The following SLC6A8 variants were observed in gnomAD, a reference collection of about 807,000 sequenced individuals.
SLC6A8 encodes the protein solute carrier family 6 member 8, also known as sodium- and chloride-dependent creatine transporter 1.
SLC6A8 carries 6 observed loss-of-function variants against 48.3 expected under a neutral mutation model. The ratio of observed to expected loss-of-function variants is 0.12; its 90% confidence interval spans 0.07 to 0.25. The LOEUF is 0.25. Ranked by LOEUF, SLC6A8 falls within the 10% of genes least tolerant of loss-of-function variation. The pLI, the probability that SLC6A8 is intolerant of heterozygous loss-of-function variation, is 1.00. For missense variants in SLC6A8, 260 were observed against 551.5 expected, an observed-to-expected ratio of 0.47 and a Z score of 5.29; for synonymous variants, 245 against 244.0, an observed-to-expected ratio of 1.00 and a Z score of -0.04.
chrX:153,693,378 C>T lies in SLC6A8; in HGVS notation c.1016+12C>T, dbSNP rs182984520. The T allele has an allele frequency of 4.4e-5, 53 of 1,203,648 alleles. No individual in the cohort carries two copies. The highest frequency in any genetic ancestry group is 3.9e-4 in the Admixed American group (18 of 45,896). ...AACAACTGCTACAAGTAAGCACCGC[C>T]GCCCTGCCACCCGTGCCCTGTCCTG... On this transcript the variant is annotated intron_variant, in intron 6 of 12. Coordinates refer to ENST00000253122, the MANE Select transcript of SLC6A8 (RefSeq NM_005629.4).
chrX:153,691,701 A>T (rs1204195384), intron 3 of SLC6A8, 148 bp downstream of exon 3: 2 of 788,215 alleles, frequency 2.5e-6, no homozygotes, highest in South Asian at 2.2e-5. Context: ...GTCCTCGGAG[A>T]GTCCTGGGGC....
chrX:153,693,918 C>T lies in SLC6A8; in HGVS notation c.1155C>T (p.Ala385=), dbSNP rs782477779. The T allele has an allele frequency of 5.8e-5, 68 of 1,164,067 alleles. No homozygotes were observed. Among genetic ancestry groups the T allele is most frequent in the Non-Finnish European group, 7.3e-5 (64 of 870,772 alleles). ...SKVAESGPGL[A]FIAYPRAVTL... is the part of the protein sequence containing the mutation. The stretch of plus-strand genomic sequence containing the variant: ...CCTTTCCCACAGGGCCGGGCCTGGC[C>T]TTCATCGCCTACCCGCGGGCTGTCA... Residue 385 remains alanine (A), a synonymous_variant, in exon 8 of 13, where the codon GCC becomes GCT. Transcript: ENST00000253122.
chrX:153,690,642 G>A, intron 2 of SLC6A8, 136 bp downstream of exon 2: 11 of 722,354 alleles, frequency 1.5e-5, no homozygotes, highest in Non-Finnish European at 2.3e-5. Context: ...GAGCCTGGAG[G>A]AGATGTTCAG....
In SLC6A8 at chrX:153,694,191, T is replaced by A; in HGVS notation, c.1316T>A (p.Phe439Tyr). 1.7e-6 allele frequency: 2 copies of A among 1,210,641 alleles called. No individual in the cohort carries two copies. Among genetic ancestry groups the A allele is most frequent in the Non-Finnish European group, 2.2e-6 (2 of 894,734 alleles). ...LLDLLPASYY[F>Y]RFQREISVAL... ...GACCTCCTCCCGGCCTCCTACTACTTCCGTTTCCAAAGGGAGATCTCTGTG... is the reference window on the plus strand; with the variant it reads ...GACCTCCTCCCGGCCTCCTACTACTACCGTTTCCAAAGGGAGATCTCTGTG... Residue 439 changes from phenylalanine to tyrosine, a missense_variant, in exon 9 of 13, where the codon TTC becomes TAC. Physicochemically the swap from Phe to Tyr is conservative, Grantham distance 22. Transcript: ENST00000253122.
rs2148358593 is a variant in SLC6A8, at chrX:153,688,768, GCGTGGGCTTCGC to G, written c.204_215del (p.Phe68_Gly71del). Reference sequence around the variant, plus strand: ...CGCCAGATGGACTTCATCATGTCGTGCGTGGGCTTCGCCGTGGGCTTGGGCAACGTGTGGCGC... The same window carrying G: ...CGCCAGATGGACTTCATCATGTCGTGCGTGGGCTTGGGCAACGTGTGGCGC... On this transcript the variant is annotated inframe_deletion, in exon 1 of 13. Transcript: ENST00000253122. 1 of 1,139,016 alleles carries G rather than the reference GCGTGGGCTTCGC, an allele frequency of 8.8e-7. No individual in the cohort carries two copies. Among genetic ancestry groups the G allele is most frequent in the Non-Finnish European group, 1.2e-6 (1 of 856,782 alleles). 93.9% of individuals were successfully genotyped at this position (1,139,016 alleles called of 1,213,427 possible).
At chrX:153,688,933 G>A in intron 1 of SLC6A8, 97 bp downstream of exon 1, 1 of 446,246 alleles carries the variant, frequency 2.2e-6, no homozygotes, top group Non-Finnish European at 3.1e-6. Context: ...TCCGGGCAAC[G>A]GGTGGCCCCC....
At position 153,693,033 on chromosome X, in the gene SLC6A8, C is replaced by G. The variant is rs781860529; in HGVS notation, c.778-8C>G. 104 of 1,208,815 alleles carry G rather than the reference C, an allele frequency of 8.6e-5. No individual in the cohort carries two copies. In the Middle Eastern group the frequency reaches 1.1e-3, roughly 13 times the overall value. ...CCACAGCCTCCGCTGAGCAGCCTGG[C>G]CCCCCAGATCGTGTACTTCACTGCT... On this transcript the variant is annotated splice_region_variant and splice_polypyrimidine_tract_variant and intron_variant, in intron 4 of 12. Transcript: ENST00000253122.
chrX:153,694,155 C>G lies in SLC6A8; in HGVS notation c.1280C>G (p.Thr427Ser). ...SQFVGVEGFI[T>S]GLLDLLPASY... ...TTTGTAGGTGTGGAGGGCTTCATCA[C>G]CGGCCTCCTCGACCTCCTCCCGGCC... Residue 427 changes from threonine to serine, a missense_variant, in exon 9 of 13, where the codon ACC becomes AGC. Coordinates refer to ENST00000253122, the MANE Select transcript of SLC6A8 (RefSeq NM_005629.4). 8.3e-7 allele frequency: 1 copy of G among 1,210,669 alleles called. No homozygotes were observed. The highest frequency in any genetic ancestry group is 1.1e-6 in the Non-Finnish European group (1 of 894,643).
Position 153,689,629 on chromosome X carries a change from T to G in SLC6A8, c.263-746T>G, listed in dbSNP as rs1294701441. On this transcript the variant is annotated intron_variant, in intron 1 of 12. Coordinates refer to ENST00000253122, the MANE Select transcript of SLC6A8 (RefSeq NM_005629.4). ...GTTGCAGCCAAGCTCAGCCTCTGAG[T>G]AGTGGAGCGAGCCCAGCCAGGGCAA... is the stretch of plus-strand genomic sequence containing the variant. 4 of 626,532 alleles carry G rather than the reference T, an allele frequency of 6.4e-6. No individual in the cohort carries two copies. In the African/African-American group the frequency reaches 7.4e-5, roughly 12 times the overall value. The allele number at this position is 626,532 out of a possible 1,213,427, so 51.6% of individuals were successfully genotyped here. A position where few individuals can be genotyped will look rare whatever the true frequency, so the allele number is the denominator to read the frequency against.
In SLC6A8 at chrX:153,691,314, C is replaced by T. The variant is rs782249346; in HGVS notation, c.405C>T (p.Tyr135=). ...ACTTCCCGGCCCCAGGCCTGGGCTACGCCTCCATGGTGATCGTCTTCTACT... is the reference window on the plus strand; with the variant it reads ...ACTTCCCGGCCCCAGGCCTGGGCTATGCCTCCATGGTGATCGTCTTCTACT... ...NICPLFKGLG[Y]ASMVIVFYCN... is the part of the protein sequence containing the mutation. The change falls in exon 3 of 13, where the codon TAC becomes TAT. Residue 135 remains tyrosine, a synonymous_variant. Transcript: ENST00000253122. 1.3e-5 allele frequency: 16 copies of T among 1,199,961 alleles called. No homozygotes were observed. The South Asian group carries it at 1.4e-4, about 11-fold the overall frequency.
intron 4 of SLC6A8, 156 bp from the exon 5 acceptor site, chrX:153,692,885 G>A (rs1359131742): frequency 1.5e-5 from 11 of 728,146 alleles, no homozygotes; most frequent in Middle Eastern, 3.6e-4. Flanking sequence ...CTGCCGGGGC[G>A]CAGCCTTGCC....
chrX:153,691,848 A>G (rs2872520), intron 3 of SLC6A8, 127 bp from the exon 4 acceptor site: 12 of 807,646 alleles, frequency 1.5e-5, no homozygotes, highest in African/African-American at 4.1e-5. Flanking sequence ...GCCCAGCCCA[A>G]TTGGACAAGA....
rs1232567297 is a variant in SLC6A8 at position 153,696,065 on chromosome X, A to G, written c.*851A>G. Reference sequence around the variant, plus strand: ...CCTCTGCCCCTAGCCAAGGAGTGTGAATTTATAGATCTAACTTTCATAGGC... The same window carrying G: ...CCTCTGCCCCTAGCCAAGGAGTGTGGATTTATAGATCTAACTTTCATAGGC... On this transcript the variant is annotated 3_prime_UTR_variant, in exon 13 of 13. Coordinates refer to ENST00000253122, the MANE Select transcript of SLC6A8 (RefSeq NM_005629.4). 1.1e-5 allele frequency: 2 copies of G among 174,351 alleles called. No homozygotes were observed. The highest frequency in any genetic ancestry group is 6.1e-5 in the African/African-American group (2 of 32,630). The allele number at this position is 174,351 out of a possible 1,213,427, so 14.4% of individuals were successfully genotyped here.
chrX:153,694,960 G>A (rs2314072), intron 12 of SLC6A8, 71 bp downstream of exon 12: 5 of 983,271 alleles, frequency 5.1e-6, no homozygotes, highest in Non-Finnish European at 6.6e-6. Flanking sequence ...TTCCTAGCCA[G>A]GGAGTGGCCC....
rs782338053 is a variant in SLC6A8, at chrX:153,691,595, G to C, written c.644+42G>C. On this transcript the variant is annotated intron_variant, in intron 3 of 12. Transcript: ENST00000253122. ...TGGGCCAAGCCCATCCCATCCCCCA[G>C]GTCTCCCTCATGTTGCCCGGCTCCA... 37 of 1,205,664 alleles carry C rather than the reference G, an allele frequency of 3.1e-5. No homozygotes were observed. The South Asian group carries it at 6.5e-4, about 21-fold the overall frequency.
At position 153,690,385 on chromosome X, in the gene SLC6A8, T is replaced by G; in HGVS notation, c.273T>G (p.Leu91=). The change falls in exon 2 of 13, where the codon CTT becomes CTG. Residue 91 remains leucine, a synonymous_variant. Transcript: ENST00000253122. ...LCYKNGGGVF[L]IPYVLIALVG... ...TGCCTCCACCCCCAGGTGTGTTCCT[T>G]ATTCCCTACGTCCTGATCGCCCTGG... is the stretch of plus-strand genomic sequence containing the variant. 8.3e-7 allele frequency: 1 copy of G among 1,199,238 alleles called. No homozygotes were observed. The highest frequency in any genetic ancestry group is 1.1e-6 in the Non-Finnish European group (1 of 888,651).
rs782113493 is a variant in SLC6A8, at chrX:153,694,279, G to T, written c.1392+12G>T. On this transcript the variant is annotated intron_variant, in intron 9 of 12. Coordinates refer to ENST00000253122, the MANE Select transcript of SLC6A8 (RefSeq NM_005629.4). ...CCATGGTGACTGATGTGAGTGGGGT[G>T]GGGGGTCTGCCTGTGACCTCTGGTG... is the stretch of plus-strand genomic sequence containing the variant. 169 of 1,210,535 alleles carry T rather than the reference G, an allele frequency of 1.4e-4. No homozygotes were observed. Among genetic ancestry groups the T allele is most frequent in the Non-Finnish European group, 1.9e-4 (167 of 894,266 alleles).
At chrX:153,689,923 G>A (rs1342184607) in intron 1 of SLC6A8, among the ~76,000 whole-genome samples, 3 of 112,615 alleles carry the variant, frequency 2.7e-5, no homozygotes, top group African/African-American at 9.7e-5. Flanking sequence ...GCAGGCAAGC[G>A]TCCAAGGGCA....
chrX:153,695,413 C>A lies in SLC6A8; in HGVS notation c.*199C>A. ...AAACGCCAAAAATATCACAACCCAC[C>A]AAAAATAGATGCCTCTCCCCCTCCA... On this transcript the variant is annotated 3_prime_UTR_variant, in exon 13 of 13. Transcript: ENST00000253122. The A allele has an allele frequency of 2.2e-6, 1 of 463,053 alleles. No individual in the cohort carries two copies. The highest frequency in any genetic ancestry group is 3.2e-5 in the South Asian group (1 of 31,718). The allele number at this position is 463,053 out of a possible 1,213,427, so 38.2% of individuals were successfully genotyped here.
Sources: gnomAD v4.1 joint callset for allele counts (sites outside exome capture counted in the v4.1 genomes callset) on GRCh38, gnomAD v4.1.1 for gene constraint, MANE v1.5 for transcripts, NCBI Gene and HGNC (gene_info 2026-07-23, HGNC 2026-07-21) for gene names.